WWOX: variants seen among roughly 807,000 people sequenced by gnomAD.
WWOX encodes the protein WW domain-containing oxidoreductase.
In WWOX, 69 loss-of-function variants were observed where a neutral mutation model predicts 46.2. The ratio of observed to expected loss-of-function variants is 1.49; its 90% CI spans 1.23 to 1.82. WWOX has a LOEUF of 1.82. Among genes scored for constraint, WWOX ranks in the 40% most tolerant of loss-of-function variants. The pLI is 0.00. For synonymous variants in WWOX, 359 were observed against 202.6 expected (o/e 1.77, Z -6.56); for missense variants, 919 against 542.6 (o/e 1.69, Z -6.89).
intron 8 of WWOX, among the ~76,000 whole-genome samples, chr16:78,748,143 T>C (rs185778657): frequency 1.3e-3 from 196 of 152,190 alleles, no homozygotes; most frequent in Middle Eastern, 3.4e-3. Context: ...CATTTATCCA[T>C]TGCACCCCGT....
intron 4 of WWOX, 77 bp downstream of exon 4, chr16:78,115,231 T>C: frequency 1.3e-6 from 2 of 1,547,102 alleles, no homozygotes; most frequent in Non-Finnish European, 1.8e-6. Flanking sequence ...AATGGAATTT[T>C]GTTTAGTGGT....
intron 8 of WWOX, among the ~76,000 whole-genome samples, chr16:78,451,366 A>T (rs557092703): frequency 1.3e-5 from 2 of 152,164 alleles, no homozygotes; most frequent in African/African-American, 2.4e-5. Context: ...ATTTCTTAGG[A>T]CTAATTTATT....
intron 8 of WWOX, among the ~76,000 whole-genome samples, chr16:78,714,302 A>C (rs2048514024): frequency 6.6e-6 from 1 of 152,150 alleles, no homozygotes; most frequent in African/African-American, 2.4e-5. Context: ...TCATGGCGGA[A>C]GGCAAAGGAG....
intron 8 of WWOX, chr16:78,551,857 G>T (rs935963250): frequency 6.6e-5 from 10 of 152,162 alleles, no homozygotes; most frequent in African/African-American, 9.7e-5. Context: ...CAGCTTTCCC[G>T]TTCCAGGGTT....
intron 5 of WWOX, chr16:78,281,150 A>G: frequency 6.6e-6 from 1 of 152,270 alleles, no homozygotes; most frequent in African/African-American, 2.4e-5. Context: ...CAGGGTAAAC[A>G]CTGCACACCA....
At chr16:78,898,751 A>G (rs1004597166) in intron 8 of WWOX, 1 of 152,132 alleles carries the variant, frequency 6.6e-6, no homozygotes, top group African/African-American at 2.4e-5. Flanking sequence ...ATGAGCATGC[A>G]TCTCTCCATT....
intron 8 of WWOX, among the ~76,000 whole-genome samples, chr16:79,021,104 C>T (rs1312149683): frequency 1.3e-5 from 2 of 152,150 alleles, no homozygotes; most frequent in Non-Finnish European, 2.9e-5. Context: ...AATGCTAGTC[C>T]AGTGCTTGGC....
chr16:78,832,278 G>C (rs953153049), intron 8 of WWOX, among the ~76,000 whole-genome samples: 1 of 152,186 alleles, frequency 6.6e-6, no homozygotes, highest in Non-Finnish European at 1.5e-5. Context: ...AGCTTCAGGA[G>C]CAGCCTCACA....
intron 8 of WWOX, among the ~76,000 whole-genome samples, chr16:79,054,583 C>A (rs28439411): frequency 0.096 from 14,632 of 152,112 alleles, 1,638 homozygotes; most frequent in African/African-American, 0.27. Context: ...ACACTTGGGG[C>A]GGTCAAGGTG....
chr16:78,403,034 T>G (rs2082449496), intron 6 of WWOX, among the ~76,000 whole-genome samples: 1 of 152,226 alleles, frequency 6.6e-6, no homozygotes, highest in Non-Finnish European at 1.5e-5. Context: ...CAGGTCTGAA[T>G]GGCAGCACAC....
chr16:79,149,988 A>G (rs2050247516), intron 8 of WWOX, among the ~76,000 whole-genome samples: 1 of 152,160 alleles, frequency 6.6e-6, no homozygotes, highest in Admixed American at 6.5e-5. Flanking sequence ...GGCACAAAAG[A>G]GCCCATTTAT....
At chr16:78,118,369 G>T (rs1476970189) in intron 4 of WWOX, among the ~76,000 whole-genome samples, 2 of 151,884 alleles carry the variant, frequency 1.3e-5, no homozygotes, top group Non-Finnish European at 2.9e-5. Flanking sequence ...AGCATTGTGG[G>T]TTCATGAAGT....
chr16:78,862,446 A>G (rs1230000988), intron 8 of WWOX, among the ~76,000 whole-genome samples: 2 of 151,838 alleles, frequency 1.3e-5, no homozygotes, highest in Non-Finnish European at 2.9e-5. Flanking sequence ...ATGTATATAT[A>G]TAGTATTCAA....
At chr16:78,593,881 CA>C (rs1308772804) in intron 8 of WWOX, among the ~76,000 whole-genome samples, 3 of 152,134 alleles carry the variant, frequency 2.0e-5, no homozygotes, top group African/African-American at 7.2e-5. Flanking sequence ...AAGCTGTAGA[CA>C]AACAAAAATG....
chr16:78,161,259 A>G (rs1338258422), intron 4 of WWOX, among the ~76,000 whole-genome samples: 1 of 151,938 alleles, frequency 6.6e-6, no homozygotes, highest in Non-Finnish European at 1.5e-5. Context: ...TTTAATTGCC[A>G]TCTTTAGGCC....
At chr16:78,677,457 C>T (rs1199270501) in intron 8 of WWOX, among the ~76,000 whole-genome samples, 2 of 152,148 alleles carry the variant, frequency 1.3e-5, no homozygotes, top group East Asian at 3.9e-4. Context: ...AAAAAAAATT[C>T]GGATTTCCAG....
chr16:79,207,725 G>A (rs1017172170), intron 8 of WWOX, among the ~76,000 whole-genome samples: 2 of 152,014 alleles, frequency 1.3e-5, no homozygotes, highest in African/African-American at 4.8e-5. Context: ...GGTGTAACAT[G>A]TGTCCCTGTG....
intron 5 of WWOX, among the ~76,000 whole-genome samples, chr16:78,200,529 A>G (rs2036197048): frequency 6.6e-6 from 1 of 150,712 alleles, no homozygotes; most frequent in Non-Finnish European, 1.5e-5. Flanking sequence ...CCATTACACC[A>G]TAAAGTATCA....
At chr16:78,696,464 T>C (rs2048101656) in intron 8 of WWOX, among the ~76,000 whole-genome samples, 1 of 152,110 alleles carries the variant, frequency 6.6e-6, no homozygotes, top group African/African-American at 2.4e-5. Context: ...CTTTACATTT[T>C]GAGTTTCGAT....
Sources: gnomAD v4.1 joint callset for allele counts (sites outside exome capture counted in the v4.1 genomes callset) on GRCh38, gnomAD v4.1.1 for gene constraint, MANE v1.5 for transcripts, NCBI Gene and HGNC (gene_info 2026-07-23, HGNC 2026-07-21) for gene names.